Variants in PDE8B observed in about 807,000 individuals in gnomAD.
PDE8B encodes the protein phosphodiesterase 8B.
A neutral mutation model predicts 101.3 loss-of-function variants in PDE8B; 26 were observed. That is an observed-to-expected ratio of 0.26 (90% CI 0.19 to 0.36). The LOEUF is 0.36. Ranked by LOEUF, PDE8B falls within the 10% of genes least tolerant of loss-of-function variation. The pLI is 1.00. For missense variants in PDE8B, 810 were observed against 1,163.1 expected, an observed-to-expected ratio of 0.70 and a Z score of 4.42; for synonymous variants, 424 against 429.3, an observed-to-expected ratio of 0.99 and a Z score of 0.15.
the PDE8B span, chr5:77,139,452 C>T: frequency 6.6e-6 from 1 of 152,228 alleles, no homozygotes; most frequent in Non-Finnish European, 1.5e-5. Context: ...TGTTATACAG[C>T]AGTAGGTATC....
intron 13 of PDE8B, among the ~76,000 whole-genome samples, chr5:77,408,233 A>AG (rs1027481201): frequency 6.6e-6 from 1 of 152,216 alleles, no homozygotes; most frequent in Non-Finnish European, 1.5e-5. Context: ...GAGAGGAATG[A>AG]GGAAAAGTAT....
At chr5:77,361,147 A>G (rs945626626) in intron 10 of PDE8B, among the ~76,000 whole-genome samples, 7 of 152,196 alleles carry the variant, frequency 4.6e-5, no homozygotes, top group Non-Finnish European at 8.8e-5. Context: ...TATTATGGAA[A>G]TGCCAGATAA....
chr5:77,361,875 A>G (rs1206395087), intron 10 of PDE8B, among the ~76,000 whole-genome samples: 1 of 152,162 alleles, frequency 6.6e-6, no homozygotes, highest in African/African-American at 2.4e-5. Flanking sequence ...GACTCCACTC[A>G]TTCATTAACT....
At chr5:77,414,724 C>T (rs1795196188) in intron 17 of PDE8B, among the ~76,000 whole-genome samples, 1 of 152,088 alleles carries the variant, frequency 6.6e-6, no homozygotes, top group African/African-American at 2.4e-5. Flanking sequence ...GCCACTGCGC[C>T]CGGCCTATGC....
chr5:77,197,495 CCTT>C, the PDE8B span, among the ~76,000 whole-genome samples: 2 of 151,856 alleles, frequency 1.3e-5, no homozygotes, highest in Non-Finnish European at 2.9e-5. Context: ...CTTACCATAT[CCTT>C]CTTTCTTTTT....
the PDE8B span, among the ~76,000 whole-genome samples, chr5:77,107,704 G>A: frequency 2.0e-5 from 3 of 152,156 alleles, no homozygotes; most frequent in African/African-American, 7.2e-5. Context: ...TATTATCATG[G>A]TCTGGCAATT....
At chr5:77,258,474 G>A (rs1169260142) in intron 1 of PDE8B, among the ~76,000 whole-genome samples, 1 of 151,932 alleles carries the variant, frequency 6.6e-6, no homozygotes, top group Non-Finnish European at 1.5e-5. Flanking sequence ...TCATACTGTG[G>A]CTTTGATTTA....
intron 10 of PDE8B, among the ~76,000 whole-genome samples, chr5:77,376,318 A>T (rs555950794): frequency 6.6e-6 from 1 of 152,266 alleles, no homozygotes; most frequent in Non-Finnish European, 1.5e-5. Context: ...GCATGGCACC[A>T]CCTTTTGGGA....
At chr5:77,359,959 G>A (rs930040628) in intron 10 of PDE8B, among the ~76,000 whole-genome samples, 8 of 151,876 alleles carry the variant, frequency 5.3e-5, no homozygotes, top group Non-Finnish European at 8.8e-5. Context: ...AGCCAGGCGT[G>A]GTGCACCTGT....
At chr5:77,296,850 G>A (rs1330289652) in intron 1 of PDE8B, among the ~76,000 whole-genome samples, 2 of 152,074 alleles carry the variant, frequency 1.3e-5, no homozygotes, top group African/African-American at 4.8e-5. Flanking sequence ...CAGCTCTTAT[G>A]TGTACTTCTC....
chr5:77,106,786 A>G, the PDE8B span, among the ~76,000 whole-genome samples: 1 of 152,140 alleles, frequency 6.6e-6, no homozygotes, highest in South Asian at 2.1e-4. Flanking sequence ...AATGTTTTAT[A>G]GTTTTCAGTG....
chr5:77,389,893 T>G (rs1270234440), intron 10 of PDE8B, among the ~76,000 whole-genome samples: 1 of 152,234 alleles, frequency 6.6e-6, no homozygotes, highest in Non-Finnish European at 1.5e-5. Context: ...GCTTTGAACA[T>G]TCTTGGACAA....
At chr5:77,368,084 G>A (rs372375194) in intron 10 of PDE8B, among the ~76,000 whole-genome samples, 4 of 152,284 alleles carry the variant, frequency 2.6e-5, no homozygotes, top group African/African-American at 7.2e-5. Context: ...TTAACCCTTG[G>A]CCTCCCATTT....
At chr5:77,202,014 CTCT>C in the PDE8B span, among the ~76,000 whole-genome samples, 1 of 152,214 alleles carries the variant, frequency 6.6e-6, no homozygotes, top group East Asian at 1.9e-4. Flanking sequence ...TCTCTGCTGT[CTCT>C]TCTTCTTATA....
intron 10 of PDE8B, among the ~76,000 whole-genome samples, chr5:77,398,291 A>G (rs1791498658): frequency 6.7e-6 from 1 of 148,584 alleles, no homozygotes. Context: ...CTTTTTCCTA[A>G]TTGTAATTCC....
the PDE8B span, chr5:77,143,807 A>G: frequency 6.6e-6 from 1 of 150,782 alleles, no homozygotes; most frequent in African/African-American, 2.5e-5. Context: ...TGAGAGGTGC[A>G]TTCTCAAGCT....
the PDE8B span, among the ~76,000 whole-genome samples, chr5:77,099,591 C>T: frequency 6.6e-6 from 1 of 150,700 alleles, no homozygotes; most frequent in African/African-American, 2.4e-5. Context: ...TAGTGCTCCC[C>T]AGGGTGACCT....
chr5:77,294,702 T>C (rs988655869), intron 1 of PDE8B, among the ~76,000 whole-genome samples: 3 of 149,158 alleles, frequency 2.0e-5, no homozygotes, highest in African/African-American at 4.9e-5. Flanking sequence ...GGAAGAAATA[T>C]AAGAGTGAAT....
the PDE8B span, among the ~76,000 whole-genome samples, chr5:77,164,972 A>G: frequency 1.3e-5 from 2 of 152,234 alleles, no homozygotes; most frequent in Non-Finnish European, 2.9e-5. Flanking sequence ...AAATAGTGGT[A>G]TACTGATACA....
Sources: gnomAD v4.1 joint callset for allele counts (sites outside exome capture counted in the v4.1 genomes callset) on GRCh38, gnomAD v4.1.1 for gene constraint, MANE v1.5 for transcripts, NCBI Gene and HGNC (gene_info 2026-07-23, HGNC 2026-07-21) for gene names.